The following HTATSF1 variants were observed in gnomAD, a reference collection of about 807,000 sequenced individuals.
HTATSF1 encodes HIV-1 Tat specific factor 1.
A neutral mutation model predicts 46.1 loss-of-function variants in HTATSF1; 6 were observed. The ratio of observed to expected loss-of-function variants is 0.13; its 90% CI spans 0.07 to 0.26. HTATSF1 has a LOEUF of 0.26. Among genes scored for constraint, HTATSF1 ranks in the 10% least tolerant of loss-of-function variants. The probability of loss-of-function intolerance (pLI) is 1.00; values close to 1 mark genes in which losing one functional copy is unlikely to be tolerated. For synonymous variants in HTATSF1, 226 were observed against 211.5 expected, an observed-to-expected ratio of 1.07 and a Z score of -0.60; for missense variants, 452 against 559.9, an observed-to-expected ratio of 0.81 and a Z score of 1.94.
Position 136,511,470 on chromosome X carries a change from C to A in HTATSF1, c.1725C>A (p.Asp575Glu), listed in dbSNP as rs3027849. Reference protein sequence around the residue: ...FEENGLEKDLDEEGSEKELHE... With the variant: ...FEENGLEKDLEEEGSEKELHE... ...AAAATGGTCTCGAGAAAGATTTGGA[C>A]GAGGAAGGTTCTGAAAAGGAGCTTC... The change falls in exon 9 of 9, where the codon GAC becomes GAA. Residue 575 changes from aspartate to glutamate, a missense_variant. Asp to Glu is a conservative substitution (Grantham distance 45). This residue lies in a region of HTATSF1 where 246 missense variants were observed against 245.3 expected (regional missense o/e 1.00). Coordinates refer to ENST00000218364, the MANE Select transcript of HTATSF1 (RefSeq NM_014500.5). 5 of 1,208,703 alleles carry A rather than the reference C, an allele frequency of 4.1e-6. No homozygotes were observed. The highest frequency in any genetic ancestry group is 5.6e-6 in the Non-Finnish European group (5 of 894,347).
intron 4 of HTATSF1, among the ~76,000 whole-genome samples, chrX:136,501,913 TTC>T (rs2075720076): frequency 9.0e-6 from 1 of 111,712 alleles, no homozygotes; most frequent in Non-Finnish European, 1.9e-5. Flanking sequence ...TCTTAGGGAG[TTC>T]TGTTAGATTT....
chrX:136,511,189 C>G lies in HTATSF1; in HGVS notation c.1444C>G (p.Gln482Glu). The G allele has an allele frequency of 8.3e-7, 1 of 1,206,208 alleles. No individual in the cohort carries two copies. ...PKRGFEGSCS[Q>E]KESEEGNPVR... ...AAGAGGGTTTGAAGGCAGCTGCTCC[C>G]AAAAAGAGTCTGAAGAAGGCAATCC... Residue 482 changes from glutamine (Q) to glutamate (E), a missense_variant, in exon 9 of 9, where the codon CAA (glutamine) becomes GAA (glutamate). Around this residue, in one of 3 missense-constraint regions of HTATSF1, gnomAD observed 246 missense variants for 245.3 expected, o/e 1.00. Transcript: ENST00000218364.
intron 6 of HTATSF1, among the ~76,000 whole-genome samples, chrX:136,505,048 A>G (rs1045332333): frequency 2.7e-5 from 3 of 112,226 alleles, no homozygotes; most frequent in African/African-American, 9.7e-5. Context: ...GAATATTGTC[A>G]TCAAAGTACC....
Position 136,497,890 on chromosome X carries a change from G to A in HTATSF1, c.186+20G>A. 3.6e-6 allele frequency: 4 copies of A among 1,117,431 alleles called. No individual in the cohort carries two copies. The highest frequency in any genetic ancestry group is 4.8e-6 in the Non-Finnish European group (4 of 836,655). The allele number at this position is 1,117,431 out of a possible 1,213,427, so 92.1% of individuals were successfully genotyped here. On this transcript the variant is annotated intron_variant, in intron 1 of 8. Coordinates refer to ENST00000218364, the MANE Select transcript of HTATSF1 (RefSeq NM_014500.5). ...CCCAAGGTAGGAGAGTGCCACGGGCGCCACTGCAGAGCGGGCCGCCTGGCC... is the reference window on the plus strand; with the variant it reads ...CCCAAGGTAGGAGAGTGCCACGGGCACCACTGCAGAGCGGGCCGCCTGGCC...
intron 6 of HTATSF1, among the ~76,000 whole-genome samples, chrX:136,507,485 C>T (rs986314584): frequency 3.7e-5 from 4 of 109,271 alleles, no homozygotes; most frequent in Non-Finnish European, 5.7e-5. Flanking sequence ...CACTTGAATC[C>T]GGGAGGCAGA....
upstream of HTATSF1, chrX:136,497,388 C>A (rs1569352333): frequency 8.7e-6 from 1 of 114,761 alleles, no homozygotes; most frequent in South Asian, 2.8e-4. Context: ...CTGCGCGCTC[C>A]CGCAGCGCCC....
At chrX:136,497,954 G>A in intron 1 of HTATSF1, 84 bp downstream of exon 1, 1 of 775,723 alleles carries the variant, frequency 1.3e-6, no homozygotes, top group South Asian at 3.3e-5. Context: ...GCTTTGCTGA[G>A]ATCCTTGGTC....
rs911186268 is a variant in HTATSF1 at position 136,500,644 on chromosome X, T to A, written c.416-20T>A. 1.9e-6 allele frequency: 2 copies of A among 1,044,853 alleles called. No individual in the cohort carries two copies. Among genetic ancestry groups the A allele is most frequent in the Admixed American group, 3.4e-5 (1 of 29,330 alleles). 86.1% of individuals were successfully genotyped at this position (1,044,853 alleles called of 1,213,427 possible). ...TTCATTATCAATTATAAATGTTTTT[T>A]AATTTTTCTTAAATGACAGGTTTGC... On this transcript the variant is annotated intron_variant, in intron 3 of 8. Transcript: ENST00000218364.
At chrX:136,506,113 G>T (rs780805618) in intron 6 of HTATSF1, among the ~76,000 whole-genome samples, 1 of 111,644 alleles carries the variant, frequency 9.0e-6, no homozygotes, top group Admixed American at 9.4e-5. Context: ...TCTACCTCCT[G>T]CCTTGCTCAT....
chrX:136,502,912 C>T lies in HTATSF1; in HGVS notation c.705C>T (p.Asp235=). The T allele has an allele frequency of 8.8e-7, 1 of 1,131,713 alleles. No individual in the cohort carries two copies. Among genetic ancestry groups the T allele is most frequent in the Non-Finnish European group, 1.2e-6 (1 of 853,291 alleles). The allele number at this position is 1,131,713 out of a possible 1,213,427, so 93.3% of individuals were successfully genotyped here. ...CAAAGAAGAAGAAGAAGTGCAAAGA[C>T]TATAAGAAGAAGCTGTCTATGCAAC... ...DASKKKKKCK[D]YKKKLSMQQK... is the part of the protein sequence containing the mutation. Residue 235 remains aspartate (D), a synonymous_variant, in exon 5 of 9, where the codon GAC becomes GAT. Transcript: ENST00000218364.
Position 136,500,113 on chromosome X carries a change from T to C in HTATSF1, c.368-45T>C, listed in dbSNP as rs202168197. 31 of 849,817 alleles carry C rather than the reference T, an allele frequency of 3.6e-5. No homozygotes were observed. The African/African-American group carries it at 4.0e-4, about 11-fold the overall frequency. The allele number at this position is 849,817 out of a possible 1,213,427, so 70.0% of individuals were successfully genotyped here. On this transcript the variant is annotated intron_variant, in intron 2 of 8. Coordinates refer to ENST00000218364, the MANE Select transcript of HTATSF1 (RefSeq NM_014500.5). Reference sequence around the variant, plus strand: ...AAGATTCCATAATATGACTCTTATCTTTTTTTGCAAGTGTTTTATTTATTT... The same window carrying C: ...AAGATTCCATAATATGACTCTTATCCTTTTTTGCAAGTGTTTTATTTATTT...
At chrX:136,499,260 A>C (rs1031989455) in intron 1 of HTATSF1, among the ~76,000 whole-genome samples, 1 of 112,302 alleles carries the variant, frequency 8.9e-6, no homozygotes, top group Non-Finnish European at 1.9e-5. Flanking sequence ...CCTTTGTTGT[A>C]TGTATTTGTA....
intron 7 of HTATSF1, 143 bp downstream of exon 7, chrX:136,509,323 C>A: frequency 2.2e-6 from 1 of 448,282 alleles, no homozygotes; most frequent in Admixed American, 3.7e-5. Flanking sequence ...CATCTATTAG[C>A]AATAATGAGA....
intron 2 of HTATSF1, 56 bp from the exon 3 acceptor site, chrX:136,500,102 T>C: frequency 1.3e-6 from 1 of 778,482 alleles, no homozygotes; most frequent in South Asian, 2.2e-5. Flanking sequence ...TTCCATAATA[T>C]GACTCTTATC....
At position 136,511,985 on chromosome X, in the gene HTATSF1, G is replaced by T; in HGVS notation, c.2240G>T (p.Ser747Ile). Reference protein sequence around the residue: ...PLSTGSSFILSSDDDDDDI With the variant: ...PLSTGSSFILISDDDDDDI ...TCCACTGGCAGCAGCTTTATTCTCA[G>T]TAGCGATGATGATGACGATGATATT... The change falls in exon 9 of 9, where the codon AGT (serine) becomes ATT (isoleucine). Residue 747 changes from serine to isoleucine, a missense_variant. This residue lies in a region of HTATSF1 where 246 missense variants were observed against 245.3 expected (regional missense o/e 1.00). Transcript: ENST00000218364. 1 of 1,205,355 alleles carries T rather than the reference G, an allele frequency of 8.3e-7. No homozygotes were observed.
chrX:136,499,856 G>T, intron 2 of HTATSF1, 78 bp downstream of exon 2: 2 of 747,045 alleles, frequency 2.7e-6, no homozygotes. Flanking sequence ...GCTTTTTCGA[G>T]AATTATAATA....
chrX:136,511,876 G>A lies in HTATSF1; in HGVS notation c.2131G>A (p.Glu711Lys), dbSNP rs1193742443. 3 of 1,210,018 alleles carry A rather than the reference G, an allele frequency of 2.5e-6. No individual in the cohort carries two copies. The Admixed American group carries it at 6.6e-5, about 26-fold the overall frequency. ...DSNEKLFDEE[E>K]DSSEKLFDDS... is the part of the protein sequence containing the mutation. ...CAATGAGAAGTTGTTTGATGAGGAG[G>A]AAGATTCCAGTGAGAAGTTGTTTGA... The change falls in exon 9 of 9, where the codon GAA (glutamate) becomes AAA (lysine). Residue 711 changes from glutamate (E) to lysine (K), a missense_variant. This residue lies in a region of HTATSF1 where 246 missense variants were observed against 245.3 expected (regional missense o/e 1.00). Coordinates refer to ENST00000218364, the MANE Select transcript of HTATSF1 (RefSeq NM_014500.5).
At chrX:136,508,075 T>G (rs949535533) in intron 6 of HTATSF1, among the ~76,000 whole-genome samples, 11 of 112,438 alleles carry the variant, frequency 9.8e-5, no homozygotes, top group African/African-American at 3.2e-4. Context: ...TTTTATATTT[T>G]TTATTTTAAA....
upstream of HTATSF1, chrX:136,497,517 G>T: frequency 3.3e-6 from 1 of 306,324 alleles, no homozygotes. Flanking sequence ...CGGTGCAGCC[G>T]CCGAGCGGCC....
Sources: gnomAD v4.1 joint callset for allele counts (sites outside exome capture counted in the v4.1 genomes callset) on GRCh38, gnomAD v4.1.1 for gene constraint, gnomAD v4.1.1 regional missense constraint, MANE v1.5 for transcripts, NCBI Gene and HGNC (gene_info 2026-07-23, HGNC 2026-07-21) for gene names.